EHBP1: variants seen among roughly 807,000 people sequenced by gnomAD.
EHBP1 encodes the protein EH domain binding protein 1.
EHBP1 carries 55 observed loss-of-function variants against 144.0 expected under a neutral mutation model. That is an observed-to-expected ratio of 0.38 (90% CI 0.31 to 0.48). EHBP1 has a LOEUF of 0.48. Among genes scored for constraint, EHBP1 ranks in the 20% least tolerant of loss-of-function variants. EHBP1 has a pLI of 0.98. For synonymous variants in EHBP1, 469 were observed against 472.7 expected, an observed-to-expected ratio of 0.99 and a Z score of 0.10; for missense variants, 1,200 against 1,364.2, an observed-to-expected ratio of 0.88 and a Z score of 1.90.
chr2:62,793,242 T>C (rs2043290075), intron 5 of EHBP1, among the ~76,000 whole-genome samples: 1 of 152,120 alleles, frequency 6.6e-6, no homozygotes, highest in South Asian at 2.1e-4. Context: ...GTATAAAAGA[T>C]CAATGTGTTT....
rs1574457785 is a variant in EHBP1 at position 63,009,231 on chromosome 2, T to G, written c.3103+12465T>G. ...AAGAGAATACTTTACACTGTAAAAC[T>G]CAAGTACATTTCCAGTTGGAGACCT... On this transcript the variant is annotated intron_variant, in intron 19 of 22. Transcript: ENST00000431489. Among the ~76,000 whole-genome samples the G allele has an allele frequency of 2.0e-5, 3 of 151,680 alleles. No homozygotes were observed. In the South Asian group the frequency reaches 6.2e-4, roughly 31 times the overall value.
chr2:62,681,878 A>G (rs754141054), intron 1 of EHBP1, among the ~76,000 whole-genome samples: 1 of 152,206 alleles, frequency 6.6e-6, no homozygotes, highest in Non-Finnish European at 1.5e-5. Flanking sequence ...CTGTCATAAA[A>G]TATTGGAAAG....
chr2:62,967,499 A>G (rs1239141294), intron 14 of EHBP1, among the ~76,000 whole-genome samples: 1 of 152,202 alleles, frequency 6.6e-6, no homozygotes, highest in African/African-American at 2.4e-5. Flanking sequence ...GGTATTTTCC[A>G]TTAAAAACAA....
intron 8 of EHBP1, among the ~76,000 whole-genome samples, chr2:62,863,345 G>A (rs1415865842): frequency 6.6e-6 from 1 of 151,750 alleles, no homozygotes; most frequent in Non-Finnish European, 1.5e-5. Context: ...TGTAATCCCA[G>A]CACTTTGGGA....
chr2:63,028,122 C>CA (rs767730467), intron 19 of EHBP1, among the ~76,000 whole-genome samples: 56 of 151,938 alleles, frequency 3.7e-4, no homozygotes, highest in Admixed American at 8.5e-4. Context: ...GTTCTTACCA[C>CA]AAAAAAAGAT....
At chr2:62,740,049 C>T (rs567591627) in intron 2 of EHBP1, among the ~76,000 whole-genome samples, 1 of 151,728 alleles carries the variant, frequency 6.6e-6, no homozygotes, top group Non-Finnish European at 1.5e-5. Context: ...CTGTAATATG[C>T]CAAACTTCAA....
chr2:62,791,588 C>T (rs1275356237), intron 5 of EHBP1, among the ~76,000 whole-genome samples: 2 of 151,586 alleles, frequency 1.3e-5, no homozygotes, highest in African/African-American at 2.4e-5. Flanking sequence ...ATTCTGTAAT[C>T]GAGTGAAAAA....
chr2:62,688,079 C>T (rs1170239571), intron 1 of EHBP1, among the ~76,000 whole-genome samples: 23 of 152,122 alleles, frequency 1.5e-4, no homozygotes, highest in African/African-American at 5.6e-4. Flanking sequence ...AGTGATATAT[C>T]CAGTAGTATA....
chr2:62,967,101 A>G (rs2058280207), intron 14 of EHBP1, among the ~76,000 whole-genome samples: 2 of 152,170 alleles, frequency 1.3e-5, no homozygotes, highest in African/African-American at 4.8e-5. Context: ...TTCTTTATCA[A>G]ATGCATTGAT....
chr2:62,984,136 A>G (rs2059090606), intron 15 of EHBP1, among the ~76,000 whole-genome samples: 1 of 152,202 alleles, frequency 6.6e-6, no homozygotes, highest in African/African-American at 2.4e-5. Context: ...TTTAAAAATC[A>G]TAAGTGAGAA....
chr2:63,024,767 T>C (rs1030695183), intron 19 of EHBP1, among the ~76,000 whole-genome samples: 28 of 152,220 alleles, frequency 1.8e-4, no homozygotes, highest in South Asian at 6.2e-4. Context: ...TCCCAGTGCT[T>C]TGGAAGGCTG....
intron 5 of EHBP1, among the ~76,000 whole-genome samples, chr2:62,798,136 G>T (rs2043676859): frequency 6.6e-6 from 1 of 152,196 alleles, no homozygotes; most frequent in South Asian, 2.1e-4. Flanking sequence ...GGAGGCCGAG[G>T]GAGGCGGATC....
chr2:62,827,958 C>T (rs534737269), intron 6 of EHBP1, among the ~76,000 whole-genome samples: 7 of 152,210 alleles, frequency 4.6e-5, no homozygotes, highest in South Asian at 4.2e-4. Context: ...TGTGAGCCAC[C>T]GCGCCCAGCC....
At chr2:62,836,498 C>T (rs375560159) in intron 7 of EHBP1, among the ~76,000 whole-genome samples, 1 of 144,050 alleles carries the variant, frequency 6.9e-6, no homozygotes, top group African/African-American at 2.6e-5. Context: ...TGGAGAATGA[C>T]TTTGACGAGC....
intron 12 of EHBP1, among the ~76,000 whole-genome samples, chr2:62,947,564 A>G (rs546949793): frequency 6.6e-6 from 1 of 152,312 alleles, no homozygotes; most frequent in South Asian, 2.1e-4. Context: ...GGGTTAGTTC[A>G]GGATAGTAAT....
chr2:62,703,714 T>C (rs1336384894), upstream of EHBP1, among the ~76,000 whole-genome samples: 1 of 152,246 alleles, frequency 6.6e-6, no homozygotes, highest in African/African-American at 2.4e-5. Flanking sequence ...TCTTGAAATT[T>C]TCCACAACTT....
chr2:62,955,645 C>T lies in EHBP1; in HGVS notation c.2445C>T (p.Asn815=). Reference sequence around the variant, plus strand: ...CCAACACAGCCACCCCATTCTGCAACAGGCAGCTAAGTGATGTGAGGAGCA... The same window carrying T: ...CCAACACAGCCACCCCATTCTGCAATAGGCAGCTAAGTGATGTGAGGAGCA... ...HNTNTATPFC[N]RQLSDQQDEE... Residue 815 remains asparagine, a synonymous_variant, in exon 14 of 23, where the codon AAC becomes AAT. Transcript: ENST00000431489. The T allele has an allele frequency of 6.2e-7, 1 of 1,610,764 alleles. No individual in the cohort carries two copies. The highest frequency in any genetic ancestry group is 1.3e-5 in the African/African-American group (1 of 74,956).
chr2:62,942,319 G>A (rs974711560), intron 10 of EHBP1, among the ~76,000 whole-genome samples: 2 of 152,088 alleles, frequency 1.3e-5, no homozygotes, highest in African/African-American at 2.4e-5. Flanking sequence ...TTTGGACCTC[G>A]AAATACATTA....
intron 5 of EHBP1, among the ~76,000 whole-genome samples, chr2:62,820,578 C>G (rs1437759392): frequency 6.6e-6 from 1 of 151,434 alleles, no homozygotes; most frequent in Admixed American, 6.6e-5. Flanking sequence ...GCCTATTCCT[C>G]ATATAAGTAG....
Sources: allele counts gnomAD v4.1 joint callset (sites outside exome capture counted in the v4.1 genomes callset), GRCh38; gene constraint gnomAD v4.1.1; transcripts MANE v1.5; gene names NCBI Gene and HGNC (gene_info 2026-07-23, HGNC 2026-07-21).